RBMS3: variants seen among roughly 807,000 people sequenced by gnomAD.
RBMS3 encodes RNA-binding motif, single-stranded-interacting protein 3.
In RBMS3, 27 loss-of-function variants were observed where a neutral mutation model predicts 66.8. That is an observed-to-expected ratio of 0.40 (90% CI 0.30 to 0.56). The LOEUF is 0.56. Ranked by LOEUF, RBMS3 falls within the 20% of genes least tolerant of loss-of-function variation. The pLI is 0.40. For missense variants in RBMS3, 513 were observed against 549.5 expected (o/e 0.93, Z 0.66); for synonymous variants, 188 against 183.0 (o/e 1.03, Z -0.22).
chr3:29,377,191 T>G (rs1271344732), intron 1 of RBMS3, among the ~76,000 whole-genome samples: 3 of 152,178 alleles, frequency 2.0e-5, no homozygotes, highest in Non-Finnish European at 4.4e-5. Flanking sequence ...TCTTCTTTAG[T>G]GGCTCCACTT....
intron 4 of RBMS3, among the ~76,000 whole-genome samples, chr3:29,680,564 C>T (rs1269895624): frequency 6.6e-6 from 1 of 152,068 alleles, no homozygotes; most frequent in Non-Finnish European, 1.5e-5. Flanking sequence ...AAAGACAGAC[C>T]ACAAGAGTTT....
intron 6 of RBMS3, among the ~76,000 whole-genome samples, chr3:29,780,321 A>AC (rs1037276179): frequency 7.3e-5 from 9 of 123,056 alleles, no homozygotes; most frequent in Non-Finnish European, 1.5e-4. Context: ...TCAGATAACA[A>AC]AAAAAAAAAA....
chr3:29,663,239 A>AAG (rs200521167), intron 4 of RBMS3, among the ~76,000 whole-genome samples: 5 of 150,598 alleles, frequency 3.3e-5, no homozygotes, highest in African/African-American at 1.2e-4. Flanking sequence ...CATTTCCTGA[A>AAG]AGAGAGAGAG....
intron 6 of RBMS3, among the ~76,000 whole-genome samples, chr3:29,794,273 C>T (rs967276247): frequency 6.6e-6 from 1 of 152,144 alleles, no homozygotes; most frequent in African/African-American, 2.4e-5. Context: ...CCTTAGCTCT[C>T]TCCCCAGGGA....
intron 5 of RBMS3, among the ~76,000 whole-genome samples, chr3:29,758,365 A>G (rs1428826755): frequency 3.9e-5 from 6 of 152,228 alleles, no homozygotes; most frequent in African/African-American, 4.8e-5. Flanking sequence ...AGGGAAGCCA[A>G]TCACAGTCTT....
intron 6 of RBMS3, among the ~76,000 whole-genome samples, chr3:29,809,931 A>C (rs184750332): frequency 6.6e-6 from 1 of 152,076 alleles, no homozygotes; most frequent in Non-Finnish European, 1.5e-5. Context: ...ATGGTCCTTA[A>C]ATTTTCTTTT....
intron 14 of RBMS3, among the ~76,000 whole-genome samples, chr3:29,999,928 A>T (rs1045612225): frequency 7.2e-5 from 11 of 152,048 alleles, no homozygotes; most frequent in South Asian, 6.2e-4. Flanking sequence ...ATAATAATTT[A>T]AAAAAAGACC....
intron 4 of RBMS3, among the ~76,000 whole-genome samples, chr3:29,633,532 A>G (rs2049359335): frequency 6.6e-6 from 1 of 151,704 alleles, no homozygotes; most frequent in African/African-American, 2.4e-5. Flanking sequence ...TCACCTACCT[A>G]TTTATCCCCA....
At chr3:29,797,265 G>C (rs2057233733) in intron 6 of RBMS3, among the ~76,000 whole-genome samples, 1 of 152,118 alleles carries the variant, frequency 6.6e-6, no homozygotes, top group Non-Finnish European at 1.5e-5. Flanking sequence ...TCTTCACTTT[G>C]CAGTTTTATG....
intron 1 of RBMS3, among the ~76,000 whole-genome samples, chr3:29,306,734 C>G (rs1163800666): frequency 2.0e-5 from 3 of 151,832 alleles, no homozygotes; most frequent in Non-Finnish European, 4.4e-5. Context: ...TGCAGAGGCT[C>G]CCTTCAGTTG....
At chr3:29,798,288 A>AGG (rs2057269109) in intron 6 of RBMS3, among the ~76,000 whole-genome samples, 32 of 105,680 alleles carry the variant, frequency 3.0e-4, no homozygotes, top group African/African-American at 2.7e-4. Flanking sequence ...AGGGAAGGGA[A>AGG]GAGAAGGGAA....
chr3:29,416,380 G>A (rs1345598244), intron 1 of RBMS3, among the ~76,000 whole-genome samples: 2 of 151,880 alleles, frequency 1.3e-5, no homozygotes, highest in African/African-American at 2.4e-5. Context: ...ATGGTCAATG[G>A]CCATCCAAAG....
intron 2 of RBMS3, among the ~76,000 whole-genome samples, chr3:29,480,409 T>C (rs1288497000): frequency 6.6e-6 from 1 of 151,784 alleles, no homozygotes; most frequent in Non-Finnish European, 1.5e-5. Flanking sequence ...CTACACACAC[T>C]TTCTGGAACA....
rs547802919 is a variant in RBMS3 at position 29,495,904 on chromosome 3, G to T, written c.307+7405G>T. ...TAAGTGGAACTATTTAACTCTGGCG[G>T]ATAACAGACATTTCCAGGGCTGGTC... On this transcript the variant is annotated intron_variant, in intron 3 of 14. Transcript: ENST00000383767. 4.6e-5 allele frequency among the ~76,000 whole-genome samples: 7 copies of T among 152,234 alleles called. No individual in the cohort carries two copies. In the South Asian group the frequency reaches 1.5e-3, roughly 32 times the overall value.
At chr3:29,615,199 A>G (rs1248221345) in intron 4 of RBMS3, 2 of 152,510 alleles carry the variant, frequency 1.3e-5, no homozygotes, top group Admixed American at 1.3e-4. Flanking sequence ...AGCAATTACC[A>G]CCATAATATT....
At chr3:29,630,897 T>C (rs1173101577) in intron 4 of RBMS3, among the ~76,000 whole-genome samples, 1 of 151,962 alleles carries the variant, frequency 6.6e-6, no homozygotes, top group Admixed American at 6.6e-5. Context: ...AATTTGGTGC[T>C]GGGTAGCCAA....
At chr3:29,866,028 T>C (rs548558380) in intron 6 of RBMS3, among the ~76,000 whole-genome samples, 1 of 139,698 alleles carries the variant, frequency 7.2e-6, no homozygotes, top group South Asian at 2.2e-4. Flanking sequence ...ATGATCTATG[T>C]AAAATGGAAG....
At chr3:29,469,384 A>T (rs1317109665) in intron 2 of RBMS3, among the ~76,000 whole-genome samples, 1 of 152,064 alleles carries the variant, frequency 6.6e-6, no homozygotes, top group Non-Finnish European at 1.5e-5. Flanking sequence ...TTACCAGTAG[A>T]TAGATATGAG....
chr3:29,858,029 G>A (rs1559743737), intron 6 of RBMS3, among the ~76,000 whole-genome samples: 1 of 151,880 alleles, frequency 6.6e-6, no homozygotes, highest in African/African-American at 2.4e-5. Context: ...AACATACTAA[G>A]CAAAACTACC....
Sources: allele counts gnomAD v4.1 joint callset (sites outside exome capture counted in the v4.1 genomes callset), GRCh38; gene constraint gnomAD v4.1.1; transcripts MANE v1.5; gene names NCBI Gene and HGNC (gene_info 2026-07-23, HGNC 2026-07-21).